The following SPTBN1 variants were observed in gnomAD, a reference collection of about 807,000 sequenced individuals.
SPTBN1 encodes spectrin beta, non-erythrocytic 1.
A neutral mutation model predicts 266.4 loss-of-function variants in SPTBN1; 32 were observed. The observed-to-expected ratio is 0.12, with a 90% CI of 0.09 to 0.16. The LOEUF is 0.16. Ranked by LOEUF, SPTBN1 falls within the 10% of genes least tolerant of loss-of-function variation. The probability of loss-of-function intolerance (pLI) is 1.00; values close to 1 mark genes in which losing one functional copy is unlikely to be tolerated. For missense variants in SPTBN1, 2,296 were observed against 3,067.1 expected, an observed-to-expected ratio of 0.75 and a Z score of 5.94; for synonymous variants, 1,336 against 1,162.2, an observed-to-expected ratio of 1.15 and a Z score of -3.04.
intron 2 of SPTBN1, among the ~76,000 whole-genome samples, chr2:54,552,324 T>C (rs375643509): frequency 2.0e-5 from 3 of 152,228 alleles, no homozygotes. Flanking sequence ...TCTCACTTAA[T>C]TTATAAATTA....
chr2:54,558,613 C>G lies in SPTBN1; in HGVS notation c.148+32047C>G. The G allele has an allele frequency of 7.0e-7, 1 of 1,435,872 alleles. No individual in the cohort carries two copies. The highest frequency in any genetic ancestry group is 1.5e-5 in the African/African-American group (1 of 68,860). 88.9% of individuals were successfully genotyped at this position (1,435,872 alleles called of 1,614,324 possible). The stretch of plus-strand genomic sequence containing the variant: ...TCCTCGCGGAGCTAAGGTGGACTCT[C>G]TTGCAGCCAACTTCCCATCAGATCA... On this transcript the variant is annotated intron_variant, in intron 2 of 35. Transcript: ENST00000356805. This position sits in a 1 kb window ranked among gnomAD's most constrained non-coding sequence, Gnocchi z 4.6.
rs1670757102 is a variant in SPTBN1, at chr2:54,525,605, C to T, written c.-47-767C>T. On this transcript the variant is annotated intron_variant, in intron 1 of 35. Coordinates refer to ENST00000356805, the MANE Select transcript of SPTBN1 (RefSeq NM_003128.3). ...GTTTAGATAAAATGATCTGCTAGTT[C>T]TCTTATATAACATTTTATGAATTTC... Among the ~76,000 whole-genome samples, 3 of 152,218 alleles carry T rather than the reference C, an allele frequency of 2.0e-5. No homozygotes were observed. The South Asian group carries it at 6.2e-4, about 31-fold the overall frequency.
In SPTBN1 at chr2:54,644,437, C is replaced by G; in HGVS notation, c.4120C>G (p.Gln1374Glu). 2 of 1,614,222 alleles carry G rather than the reference C, an allele frequency of 1.2e-6. No individual in the cohort carries two copies. Among genetic ancestry groups the G allele is most frequent in the Non-Finnish European group, 8.5e-7 (1 of 1,180,044 alleles). ...VLESTTQTKA[Q>E]RLFDANKAEL... ...TGAATCCACTACCCAGACAAAGGCC[C>G]AGCGGCTCTTTGATGCAAACAAGGC... The change falls in exon 20 of 36, where the codon CAG becomes GAG. Residue 1374 changes from glutamine to glutamate, a missense_variant. Physicochemically the swap from Gln to Glu is conservative, Grantham distance 29. Around this residue, in one of 12 missense-constraint regions of SPTBN1, gnomAD observed 386 missense variants for 486.1 expected, o/e 0.79. Transcript: ENST00000356805.
intron 35 of SPTBN1, among the ~76,000 whole-genome samples, chr2:54,668,118 T>A (rs1438599776): frequency 1.3e-5 from 2 of 152,190 alleles, no homozygotes; most frequent in Non-Finnish European, 2.9e-5. Flanking sequence ...TTCCAGCTGT[T>A]ACAAGTTTGT....
intron 2 of SPTBN1, chr2:54,527,309 A>T (rs771898069): frequency 2.0e-5 from 3 of 152,266 alleles, no homozygotes; most frequent in Non-Finnish European, 4.4e-5. Context: ...GAAATTTCAG[A>T]TGAAGTTTAT....
chr2:54,639,299 G>C (rs1021677571), intron 18 of SPTBN1, among the ~76,000 whole-genome samples: 1 of 152,222 alleles, frequency 6.6e-6, no homozygotes, highest in African/African-American at 2.4e-5. Context: ...ATGAAGAGGT[G>C]TTTGTAGCTT....
chr2:54,485,102 G>T (rs1211414305), intron 1 of SPTBN1, among the ~76,000 whole-genome samples: 1 of 149,862 alleles, frequency 6.7e-6, no homozygotes, highest in Non-Finnish European at 1.5e-5. Flanking sequence ...TTGTTATTCC[G>T]TTCAGTAAGG....
intron 30 of SPTBN1, among the ~76,000 whole-genome samples, 180 bp downstream of exon 30, chr2:54,658,226 G>T (rs1680810092): frequency 6.6e-6 from 1 of 152,140 alleles, no homozygotes; most frequent in Non-Finnish European, 1.5e-5. Flanking sequence ...AGAGGGTCAG[G>T]ACTGTTACCT....
chr2:54,462,438 T>C (rs1693411387), intron 1 of SPTBN1, among the ~76,000 whole-genome samples: 1 of 152,374 alleles, frequency 6.6e-6, no homozygotes, highest in South Asian at 2.1e-4. Context: ...TTGAAAGTAA[T>C]GTAATTACAT....
At chr2:54,592,837 A>ACTC (rs1675772840) in intron 2 of SPTBN1, among the ~76,000 whole-genome samples, 1 of 152,208 alleles carries the variant, frequency 6.6e-6, no homozygotes, top group African/African-American at 2.4e-5. Context: ...GTGGGAGAGA[A>ACTC]AGAGCCGAGG....
chr2:54,561,573 G>A (rs918226880), intron 2 of SPTBN1, among the ~76,000 whole-genome samples: 1 of 152,134 alleles, frequency 6.6e-6, no homozygotes, highest in South Asian at 2.1e-4. Context: ...AATTTCAGGA[G>A]GTGTGCCATA....
At chr2:54,566,070 G>T (rs768380033) in intron 2 of SPTBN1, among the ~76,000 whole-genome samples, 7 of 152,076 alleles carry the variant, frequency 4.6e-5, no homozygotes, top group Non-Finnish European at 1.0e-4. Flanking sequence ...GCCACTTGTA[G>T]ATCCTAGTGC....
chr2:54,670,588 T>G lies in SPTBN1; in HGVS notation c.*2019T>G, dbSNP rs1681652573. On this transcript the variant is annotated 3_prime_UTR_variant, in exon 36 of 36. Transcript: ENST00000356805. ...GTTCTATTCTCAACAGACCAAAATG[T>G]TTAGTTAAGGCAAAGTATCTTGGAA... 2.5e-6 allele frequency: 1 copy of G among 398,148 alleles called. No individual in the cohort carries two copies. Among genetic ancestry groups the G allele is most frequent in the Non-Finnish European group, 4.4e-6 (1 of 225,890 alleles). 24.7% of individuals were successfully genotyped at this position (398,148 alleles called of 1,614,324 possible). A position where few individuals can be genotyped will look rare whatever the true frequency, so the allele number is the denominator to read the frequency against.
intron 1 of SPTBN1, among the ~76,000 whole-genome samples, chr2:54,467,866 T>G (rs1369025463): frequency 6.6e-6 from 1 of 152,072 alleles, no homozygotes; most frequent in Non-Finnish European, 1.5e-5. Context: ...TATAAAATCA[T>G]CATAACAAAA....
chr2:54,577,627 C>G (rs1039387484), intron 2 of SPTBN1, among the ~76,000 whole-genome samples: 1 of 152,152 alleles, frequency 6.6e-6, no homozygotes, highest in Non-Finnish European at 1.5e-5. Context: ...TCATATGCTC[C>G]TCATAGCGTC....
chr2:54,642,486 C>A (rs1679637555), intron 18 of SPTBN1, among the ~76,000 whole-genome samples: 1 of 151,094 alleles, frequency 6.6e-6, no homozygotes, highest in Non-Finnish European at 1.5e-5. Context: ...TTTTTGCATT[C>A]CCTTCGATGC....
chr2:54,622,590 T>C, intron 9 of SPTBN1, 103 bp downstream of exon 9: 6 of 1,303,298 alleles, frequency 4.6e-6, no homozygotes, highest in Non-Finnish European at 5.4e-6. Context: ...CTTAACTGAA[T>C]GCCTTTCAGT....
rs988886958 is a variant in SPTBN1, at chr2:54,632,834, G to A, written c.3767+66G>A. 2.3e-5 allele frequency: 35 copies of A among 1,554,156 alleles called. No homozygotes were observed. The African/African-American group carries it at 3.3e-4, about 15-fold the overall frequency. On this transcript the variant is annotated intron_variant, in intron 17 of 35. Coordinates refer to ENST00000356805, the MANE Select transcript of SPTBN1 (RefSeq NM_003128.3). ...GGGCTCTCAAACTTCTGAATCATTG[G>A]CCAGAAGCCCTTGGGAGTTTAGGTA...
intron 32 of SPTBN1, chr2:54,661,986 A>T: frequency 1.0e-6 from 1 of 985,456 alleles, no homozygotes; most frequent in Non-Finnish European, 1.2e-6. Flanking sequence ...TTGAGTGATG[A>T]CGCAGAGACT....
Sources: allele counts gnomAD v4.1 joint callset (sites outside exome capture counted in the v4.1 genomes callset), GRCh38; gene constraint gnomAD v4.1.1; regional missense constraint gnomAD v4.1.1; non-coding constraint Gnocchi (gnomAD v3.1); transcripts MANE v1.5; gene names NCBI Gene and HGNC (gene_info 2026-07-23, HGNC 2026-07-21).